MARK1: variants seen among roughly 807,000 people sequenced by gnomAD.
The protein encoded by MARK1 is microtubule affinity regulating kinase 1.
MARK1 carries 40 observed loss-of-function variants against 96.3 expected under a neutral mutation model. That is an observed-to-expected ratio of 0.42 (90% CI 0.32 to 0.54). The LOEUF is 0.54. Ranked by LOEUF, MARK1 falls within the 20% of genes least tolerant of loss-of-function variation. MARK1 has a pLI of 0.16. For synonymous variants in MARK1, 317 were observed against 341.2 expected, an observed-to-expected ratio of 0.93 and a Z score of 0.78; for missense variants, 719 against 984.6, an observed-to-expected ratio of 0.73 and a Z score of 3.61.
chr1:220,595,890 C>T (rs1250089745), intron 3 of MARK1, among the ~76,000 whole-genome samples: 1 of 152,172 alleles, frequency 6.6e-6, no homozygotes, highest in Middle Eastern at 3.4e-3. Flanking sequence ...CTTAATGATG[C>T]ATCGATGTAG....
intron 1 of MARK1, among the ~76,000 whole-genome samples, chr1:220,574,161 G>A (rs971906976): frequency 2.6e-5 from 4 of 152,058 alleles, no homozygotes; most frequent in Admixed American, 6.6e-5. Context: ...ATACTCTATG[G>A]AGACTCTGAA....
At chr1:220,650,427 G>T (rs11118586) in intron 13 of MARK1, among the ~76,000 whole-genome samples, 193 bp from the exon 14 acceptor site, 3,739 of 152,248 alleles carry the variant, frequency 0.025, 144 homozygotes, top group African/African-American at 0.084. Flanking sequence ...AAACTGTAAT[G>T]AGTTCATTTT....
intron 6 of MARK1, among the ~76,000 whole-genome samples, chr1:220,615,525 A>G (rs1439088154): frequency 6.6e-6 from 1 of 152,172 alleles, no homozygotes; most frequent in Non-Finnish European, 1.5e-5. Flanking sequence ...TGTAATTCCT[A>G]GAATAGAGTT....
chr1:220,642,343 A>G (rs1668321891), intron 13 of MARK1, among the ~76,000 whole-genome samples: 1 of 152,210 alleles, frequency 6.6e-6, no homozygotes, highest in South Asian at 2.1e-4. Context: ...GTATTCCCCC[A>G]CAGCACAGCA....
intron 5 of MARK1, among the ~76,000 whole-genome samples, chr1:220,602,216 A>C (rs1318436717): frequency 6.6e-6 from 1 of 152,236 alleles, no homozygotes; most frequent in African/African-American, 2.4e-5. Context: ...TTCAGTGATT[A>C]GAAAATCAAA....
At chr1:220,600,367 TTA>T (rs1665658627) in intron 5 of MARK1, among the ~76,000 whole-genome samples, 1 of 152,190 alleles carries the variant, frequency 6.6e-6, no homozygotes, top group South Asian at 2.1e-4. Context: ...TCTGTACATT[TTA>T]TATGTTAGAG....
chr1:220,615,431 TAA>T (rs1301685355), intron 6 of MARK1, among the ~76,000 whole-genome samples: 2 of 152,188 alleles, frequency 1.3e-5, no homozygotes, highest in African/African-American at 4.8e-5. Context: ...TATGAACAGA[TAA>T]ATATAGATAT....
At chr1:220,590,579 A>G (rs1664920381) in intron 3 of MARK1, among the ~76,000 whole-genome samples, 2 of 152,308 alleles carry the variant, frequency 1.3e-5, no homozygotes, top group South Asian at 4.1e-4. Flanking sequence ...GGGATTCAAC[A>G]TATGAATTTA....
In MARK1 at chr1:220,618,132, A is replaced by C. The variant is rs76598900; in HGVS notation, c.553-178A>C. Among the ~76,000 whole-genome samples the C allele has an allele frequency of 0.011, 1,637 of 152,312 alleles. 15 individuals are homozygous for C. The highest frequency in any genetic ancestry group is 0.026 in the South Asian group (126 of 4,826). ...TTATGTAGTGTTAAAATTTAGTCTT[A>C]TGTAGATGTAATTCAGAACAGTTAT... On this transcript the variant is annotated intron_variant, in intron 7 of 17. Coordinates refer to ENST00000366917, the MANE Select transcript of MARK1 (RefSeq NM_018650.5). This position sits in a 1 kb window ranked among gnomAD's most constrained non-coding sequence, Gnocchi z 4.6.
intron 1 of MARK1, 149 bp downstream of exon 1, chr1:220,529,022 G>C: frequency 1.4e-6 from 1 of 721,046 alleles, no homozygotes; most frequent in Non-Finnish European, 2.2e-6. Flanking sequence ...CTCACCCACT[G>C]CTCAGCCCTA....
intron 4 of MARK1, among the ~76,000 whole-genome samples, 178 bp from the exon 5 acceptor site, chr1:220,599,620 A>G (rs1212649266): frequency 6.6e-6 from 1 of 152,104 alleles, no homozygotes; most frequent in African/African-American, 2.4e-5. Context: ...CTTTGTGGTA[A>G]GTAGTTTTCT....
chr1:220,635,320 C>T, intron 11 of MARK1, 56 bp from the exon 12 acceptor site: 2 of 1,325,446 alleles, frequency 1.5e-6, no homozygotes, highest in Non-Finnish European at 2.1e-6. Context: ...AGTGTTTGTG[C>T]AAACTTTTTT....
chr1:220,628,652 A>G (rs1445921416), intron 9 of MARK1, among the ~76,000 whole-genome samples: 1 of 152,034 alleles, frequency 6.6e-6, no homozygotes, highest in Non-Finnish European at 1.5e-5. Flanking sequence ...TCTTCTATTC[A>G]TTCTTACACT....
intron 6 of MARK1, among the ~76,000 whole-genome samples, chr1:220,607,304 C>A (rs1351105719): frequency 2.0e-5 from 3 of 152,104 alleles, no homozygotes; most frequent in Non-Finnish European, 4.4e-5. Context: ...AGAGTTCATT[C>A]ATGATTTGGC....
In MARK1 at chr1:220,618,649, G is replaced by A. The variant is rs1369454635; in HGVS notation, c.803G>A (p.Arg268Gln). The change falls in exon 9 of 18, where the codon CGA becomes CAA. Residue 268 changes from arginine (R) to glutamine (Q), a missense_variant. Physicochemically the swap from Arg to Gln is conservative, Grantham distance 43. Transcript: ENST00000366917. This position sits in a 1 kb window ranked among gnomAD's most constrained non-coding sequence, Gnocchi z 4.6. ...DGQNLKELRE[R>Q]VLRGKYRIPF... is the part of the protein sequence containing the mutation. ...ACTTTTATTAAGGAACTGCGAGAGC[G>A]AGTTTTACGAGGGAAGTACCGTATT... The A allele has an allele frequency of 1.8e-5, 29 of 1,613,506 alleles. No individual in the cohort carries two copies. Among genetic ancestry groups the A allele is most frequent in the East Asian group, 4.5e-5 (2 of 44,890 alleles).
chr1:220,653,492 GA>G lies in MARK1; in HGVS notation c.1988+147del, dbSNP rs1261389095. The stretch of plus-strand genomic sequence containing the variant: ...GAGCTGCTCTTTTACAGAGTTGGAA[GA>G]AAAAAATCTAGGAAGACATAAAGTA... On this transcript the variant is annotated intron_variant, in intron 16 of 17. Coordinates refer to ENST00000366917, the MANE Select transcript of MARK1 (RefSeq NM_018650.5). 3.5e-6 allele frequency: 3 copies of G among 852,178 alleles called. No homozygotes were observed. In the Admixed American group the frequency reaches 1.1e-4, roughly 30 times the overall value. The allele number at this position is 852,178 out of a possible 1,614,324, so 52.8% of individuals were successfully genotyped here.
Position 220,662,587 on chromosome 1 carries a change from G to A in MARK1, c.*421G>A, listed in dbSNP as rs777977420. The A allele has an allele frequency of 8.1e-5, 13 of 160,914 alleles. No individual in the cohort carries two copies. Among genetic ancestry groups the A allele is most frequent in the Admixed American group, 5.3e-4 (9 of 16,892 alleles). 10.0% of individuals were successfully genotyped at this position (160,914 alleles called of 1,614,324 possible). A position where few individuals can be genotyped will look rare whatever the true frequency, so the allele number is the denominator to read the frequency against. On this transcript the variant is annotated 3_prime_UTR_variant, in exon 18 of 18. Coordinates refer to ENST00000366917, the MANE Select transcript of MARK1 (RefSeq NM_018650.5). The stretch of plus-strand genomic sequence containing the variant: ...TCCATCATGCAATTTTGAAAATTGT[G>A]TCCAGAATTAAAAGTGCATAGAAAT...
intron 9 of MARK1, among the ~76,000 whole-genome samples, chr1:220,630,716 A>G (rs1667637232): frequency 6.6e-6 from 1 of 152,226 alleles, no homozygotes; most frequent in Non-Finnish European, 1.5e-5. Flanking sequence ...AAATGTAAAA[A>G]TCTGAAACAG....
intron 4 of MARK1, among the ~76,000 whole-genome samples, chr1:220,599,058 A>G (rs946749983): frequency 2.0e-5 from 3 of 152,110 alleles, no homozygotes; most frequent in Non-Finnish European, 4.4e-5. Context: ...TTTTGATACT[A>G]TGCACTTGGG....
Sources: allele counts gnomAD v4.1 joint callset (sites outside exome capture counted in the v4.1 genomes callset), GRCh38; gene constraint gnomAD v4.1.1; non-coding constraint Gnocchi (gnomAD v3.1); transcripts MANE v1.5; gene names NCBI Gene and HGNC (gene_info 2026-07-23, HGNC 2026-07-21).